Variants in PAIP1 observed in about 807,000 individuals in gnomAD.
PAIP1 encodes the protein polyadenylate-binding protein-interacting protein 1.
PAIP1 carries 16 observed loss-of-function variants against 61.3 expected under a neutral mutation model. The observed-to-expected ratio is 0.26, with a 90% CI of 0.18 to 0.40. The LOEUF (loss-of-function observed/expected upper bound fraction) is 0.40. Ranked by LOEUF, PAIP1 falls within the 10% of genes least tolerant of loss-of-function variation. The pLI, the probability that PAIP1 is intolerant of heterozygous loss-of-function variation, is 1.00. For synonymous variants in PAIP1, 187 were observed against 226.2 expected (o/e 0.83, Z 1.56); for missense variants, 416 against 600.9 (o/e 0.69, Z 3.22).
chr5:43,532,986 G>T (rs944150369), intron 9 of PAIP1, among the ~76,000 whole-genome samples: 4 of 152,200 alleles, frequency 2.6e-5, no homozygotes, highest in African/African-American at 7.2e-5. Context: ...ATGTGCTGCT[G>T]ATGGGAAGAT....
At position 43,556,862 on chromosome 5, in the gene PAIP1, C is replaced by G; in HGVS notation, c.-16G>C. ...CGTCCGACATGCTCCTCCTCCTCCG[C>G]CTCCTCCTCCAGGGGCCGCTGCCGC... On this transcript the variant is annotated 5_prime_UTR_variant, in exon 1 of 11. Transcript: ENST00000306846. 1 of 1,407,356 alleles carries G rather than the reference C, an allele frequency of 7.1e-7. No individual in the cohort carries two copies. The highest frequency in any genetic ancestry group is 9.2e-7 in the Non-Finnish European group (1 of 1,084,128). The allele number at this position is 1,407,356 out of a possible 1,614,324, so 87.2% of individuals were successfully genotyped here.
At chr5:43,550,425 A>G (rs1263791990) in intron 2 of PAIP1, among the ~76,000 whole-genome samples, 2 of 152,172 alleles carry the variant, frequency 1.3e-5, no homozygotes, top group African/African-American at 4.8e-5. Flanking sequence ...CCATGTATTC[A>G]TACATAAAGG....
At chr5:43,535,939 A>C (rs1747131719) in intron 6 of PAIP1, among the ~76,000 whole-genome samples, 1 of 151,636 alleles carries the variant, frequency 6.6e-6, no homozygotes, top group Admixed American at 6.6e-5. Context: ...TGAACATGTC[A>C]CTTTTTTTGA....
chr5:43,538,412 T>C (rs1176652290), intron 5 of PAIP1, among the ~76,000 whole-genome samples: 1 of 152,206 alleles, frequency 6.6e-6, no homozygotes, highest in Non-Finnish European at 1.5e-5. Flanking sequence ...CATTCTACGA[T>C]GTATGCATAT....
intron 4 of PAIP1, 57 bp from the exon 5 acceptor site, chr5:43,539,092 AC>A: frequency 1.8e-6 from 2 of 1,112,628 alleles, no homozygotes; most frequent in Non-Finnish European, 1.4e-6. Context: ...AAATAGTCAA[AC>A]AAAATAACCA....
intron 10 of PAIP1, among the ~76,000 whole-genome samples, chr5:43,527,672 C>T (rs976330137): frequency 6.6e-6 from 1 of 152,006 alleles, no homozygotes; most frequent in Non-Finnish European, 1.5e-5. Flanking sequence ...ATTCTGAGTC[C>T]CTTGTGTGTG....
At chr5:43,545,447 C>T (rs920079617) in intron 3 of PAIP1, among the ~76,000 whole-genome samples, 16 of 152,288 alleles carry the variant, frequency 1.1e-4, no homozygotes, top group Non-Finnish European at 1.0e-4. Context: ...AATTTCAAAC[C>T]GGCTGTTCAG....
chr5:43,529,695 A>G, intron 10 of PAIP1, 91 bp downstream of exon 10: 1 of 787,222 alleles, frequency 1.3e-6, no homozygotes, highest in East Asian at 2.4e-5. Context: ...CCTGGCCCCA[A>G]ACACCATTCC....
intron 10 of PAIP1, among the ~76,000 whole-genome samples, chr5:43,527,793 AT>A (rs1388543129): frequency 6.6e-6 from 1 of 152,168 alleles, no homozygotes; most frequent in Admixed American, 6.5e-5. Flanking sequence ...ATATTAATAA[AT>A]TTACCTTACC....
intron 5 of PAIP1, among the ~76,000 whole-genome samples, chr5:43,537,748 C>G (rs1747210278): frequency 6.6e-6 from 1 of 152,136 alleles, no homozygotes; most frequent in Non-Finnish European, 1.5e-5. Context: ...GTAATCCCAG[C>G]ACTCTGGGAG....
intron 1 of PAIP1, 154 bp from the exon 2 acceptor site, chr5:43,556,153 A>G: frequency 7.1e-7 from 1 of 1,413,680 alleles, no homozygotes; most frequent in Non-Finnish European, 9.2e-7. Context: ...GTGTACAGAC[A>G]GCCTACAAAA....
chr5:43,527,928 G>T (rs1415794716), intron 10 of PAIP1, among the ~76,000 whole-genome samples: 1 of 152,138 alleles, frequency 6.6e-6, no homozygotes, highest in Non-Finnish European at 1.5e-5. Context: ...TATGATTTCT[G>T]CTGGGTTATT....
intron 5 of PAIP1, among the ~76,000 whole-genome samples, chr5:43,537,196 A>G (rs180931023): frequency 2.8e-4 from 43 of 152,324 alleles, no homozygotes; most frequent in Admixed American, 7.8e-4. Flanking sequence ...TGATGTTACT[A>G]CTTCATAAAG....
At chr5:43,537,251 CA>C (rs1373210855) in intron 5 of PAIP1, among the ~76,000 whole-genome samples, 2 of 152,080 alleles carry the variant, frequency 1.3e-5, no homozygotes, top group Non-Finnish European at 2.9e-5. Flanking sequence ...GAACACACAG[CA>C]TTTTATTCTG....
At chr5:43,543,747 T>A (rs867836659) in intron 3 of PAIP1, among the ~76,000 whole-genome samples, 26 of 151,646 alleles carry the variant, frequency 1.7e-4, no homozygotes, top group Middle Eastern at 3.5e-3. Flanking sequence ...ATTGTTGATA[T>A]AACTGAAGCA....
At position 43,551,658 on chromosome 5, in the gene PAIP1, G is replaced by A. The variant is rs552279317; in HGVS notation, c.436-3745C>T. ...AGGAACAGCAGAAAGGCAAAGGTAC[G>A]GGTCCCAGCTGAAAGTACTAATTTC... On this transcript the variant is annotated intron_variant, in intron 2 of 10. Transcript: ENST00000306846. Among the ~76,000 whole-genome samples the A allele has an allele frequency of 4.6e-5, 7 of 152,120 alleles. No homozygotes were observed. The South Asian group carries it at 1.5e-3, about 32-fold the overall frequency.
At chr5:43,533,912 G>A in intron 8 of PAIP1, 120 bp from the exon 9 acceptor site, 1 of 672,342 alleles carries the variant, frequency 1.5e-6, no homozygotes, top group South Asian at 1.7e-5. Flanking sequence ...ACAAGCAAAG[G>A]AACCTAACTT....
chr5:43,556,316 G>C, intron 1 of PAIP1: 1 of 1,237,418 alleles, frequency 8.1e-7, no homozygotes, highest in Non-Finnish European at 1.0e-6. Flanking sequence ...GCTGAGGGGA[G>C]GCGATTTTTA....
At chr5:43,531,676 A>AAAAAAAAAAAAAAAAAAAAAAAG (rs70997407) in intron 9 of PAIP1, among the ~76,000 whole-genome samples, 3 of 143,104 alleles carry the variant, frequency 2.1e-5, no homozygotes, top group Non-Finnish European at 4.6e-5. Context: ...AAAAAAAAAA[A>AAAAAAAAAAAAAAAAAAAAAAAG]AGAGAAAAAA....
Sources: allele counts gnomAD v4.1 joint callset (sites outside exome capture counted in the v4.1 genomes callset), GRCh38; gene constraint gnomAD v4.1.1; transcripts MANE v1.5; gene names NCBI Gene and HGNC (gene_info 2026-07-23, HGNC 2026-07-21).